The following CNTNAP5 variants were observed in gnomAD, a reference collection of about 807,000 sequenced individuals.
CNTNAP5 encodes the protein contactin-associated protein-like 5.
CNTNAP5 carries 72 observed loss-of-function variants against 150.2 expected under a neutral mutation model. The ratio of observed to expected loss-of-function variants is 0.48; its 90% CI spans 0.40 to 0.58. The LOEUF is 0.58. Among genes scored for constraint, CNTNAP5 ranks in the 20% least tolerant of loss-of-function variants. The pLI is 0.00. For synonymous variants in CNTNAP5, 672 were observed against 619.8 expected (o/e 1.08, Z -1.25); for missense variants, 1,636 against 1,626.2 (o/e 1.01, Z -0.10).
At chr2:124,242,084 T>G in intron 2 of CNTNAP5, 116 bp from the exon 3 acceptor site, 11 of 770,010 alleles carry the variant, frequency 1.4e-5, no homozygotes, top group Admixed American at 2.5e-5. Flanking sequence ...GTAGGGCCCA[T>G]TTGGGGGTAG....
chr2:124,740,885 G>A (rs1047265695), intron 13 of CNTNAP5, among the ~76,000 whole-genome samples: 6 of 152,048 alleles, frequency 3.9e-5, no homozygotes, highest in African/African-American at 1.4e-4. Flanking sequence ...GCTCTGGAAG[G>A]GCAGGTGGAA....
At chr2:124,281,838 G>A (rs532009721) in intron 3 of CNTNAP5, among the ~76,000 whole-genome samples, 9 of 152,142 alleles carry the variant, frequency 5.9e-5, no homozygotes, top group Non-Finnish European at 1.3e-4. Context: ...ACTTCCTCAG[G>A]CTCAGGCCGA....
chr2:124,784,984 G>T (rs1307654549), intron 17 of CNTNAP5, among the ~76,000 whole-genome samples: 1 of 132,122 alleles, frequency 7.6e-6, no homozygotes, highest in Non-Finnish European at 1.6e-5. Flanking sequence ...TTTAAATATT[G>T]TTTTTAGAAC....
At chr2:124,435,087 G>C (rs1033107060) in intron 5 of CNTNAP5, among the ~76,000 whole-genome samples, 1 of 152,100 alleles carries the variant, frequency 6.6e-6, no homozygotes, top group African/African-American at 2.4e-5. Flanking sequence ...TGGTTGCTCC[G>C]GGTTATTTTG....
Position 124,647,865 on chromosome 2 carries a change from A to G in CNTNAP5, c.1984A>G (p.Met662Val), listed in dbSNP as rs1411429327. ...CATGGCCTTGGACTACGGGGGCAGC[A>G]TGGAACAGCTGGAGGCCGTGATCGA... is the stretch of plus-strand genomic sequence containing the variant. ...YAMALDYGGSMEQLEAVIDGS... is the reference protein window; with the variant it reads ...YAMALDYGGSVEQLEAVIDGS... The change falls in exon 13 of 24, where the codon ATG becomes GTG. Residue 662 changes from methionine (M) to valine (V), a missense_variant. Physicochemically the swap from Met to Val is conservative, Grantham distance 21. Coordinates refer to ENST00000682447, the MANE Select transcript of CNTNAP5 (RefSeq NM_001367498.1). 1 of 1,613,424 alleles carries G rather than the reference A, an allele frequency of 6.2e-7. No individual in the cohort carries two copies. The highest frequency in any genetic ancestry group is 8.5e-7 in the Non-Finnish European group (1 of 1,179,716).
chr2:124,502,679 T>G (rs747178184), intron 7 of CNTNAP5, among the ~76,000 whole-genome samples: 5 of 152,218 alleles, frequency 3.3e-5, no homozygotes, highest in Non-Finnish European at 5.9e-5. Context: ...CACAATGAGT[T>G]GGCCATCATT....
At chr2:124,757,930 C>T (rs1198510053) in intron 14 of CNTNAP5, among the ~76,000 whole-genome samples, 1 of 152,148 alleles carries the variant, frequency 6.6e-6, no homozygotes, top group Non-Finnish European at 1.5e-5. Context: ...GGTATTGGGA[C>T]TTTGCCTGTG....
chr2:124,353,949 A>ATAAG (rs570301621), intron 3 of CNTNAP5, among the ~76,000 whole-genome samples: 8 of 152,218 alleles, frequency 5.3e-5, no homozygotes, highest in Non-Finnish European at 1.2e-4. Flanking sequence ...TCCAAGAGTT[A>ATAAG]TAAGTGACAG....
intron 1 of CNTNAP5, among the ~76,000 whole-genome samples, chr2:124,129,238 A>G (rs1475282029): frequency 1.3e-5 from 2 of 152,156 alleles, no homozygotes; most frequent in African/African-American, 2.4e-5. Flanking sequence ...TTATAAGCAT[A>G]TTACTTAGAA....
chr2:124,645,621 T>C (rs1678187398), intron 12 of CNTNAP5, among the ~76,000 whole-genome samples: 2 of 152,154 alleles, frequency 1.3e-5, no homozygotes, highest in Admixed American at 1.3e-4. Flanking sequence ...ATGTGGGTTA[T>C]CAATGGGCTG....
chr2:124,526,704 C>A (rs897532342), intron 9 of CNTNAP5, among the ~76,000 whole-genome samples: 8 of 152,038 alleles, frequency 5.3e-5, no homozygotes, highest in African/African-American at 1.9e-4. Flanking sequence ...GCATTTAAAC[C>A]CTTAGTTCCT....
chr2:124,164,354 C>T (rs1294075770), intron 1 of CNTNAP5, among the ~76,000 whole-genome samples: 3 of 152,166 alleles, frequency 2.0e-5, no homozygotes, highest in African/African-American at 7.2e-5. Context: ...CCCAAAACTC[C>T]CCATTGCTTT....
At chr2:124,878,698 T>G (rs1677908764) in intron 21 of CNTNAP5, among the ~76,000 whole-genome samples, 2 of 147,752 alleles carry the variant, frequency 1.4e-5, no homozygotes, top group African/African-American at 5.3e-5. Context: ...TTGTTGTTCT[T>G]TTCTTTTTTT....
intron 3 of CNTNAP5, among the ~76,000 whole-genome samples, chr2:124,406,147 T>G (rs1472158685): frequency 6.6e-6 from 1 of 152,230 alleles, no homozygotes; most frequent in African/African-American, 2.4e-5. Flanking sequence ...TTTTTCTAGA[T>G]AATTTATTAT....
At chr2:124,634,299 C>T (rs570531224) in intron 12 of CNTNAP5, among the ~76,000 whole-genome samples, 13 of 152,278 alleles carry the variant, frequency 8.5e-5, no homozygotes, top group African/African-American at 2.6e-4. Context: ...CAGGCCACAT[C>T]GTGAAAGCTC....
intron 13 of CNTNAP5, among the ~76,000 whole-genome samples, chr2:124,746,934 G>A (rs747491994): frequency 1.8e-4 from 28 of 151,852 alleles, no homozygotes; most frequent in Non-Finnish European, 3.4e-4. Flanking sequence ...TCGTTTATAT[G>A]TGTACATATA....
chr2:124,324,926 G>A (rs1157017432), intron 3 of CNTNAP5, among the ~76,000 whole-genome samples: 1 of 152,192 alleles, frequency 6.6e-6, no homozygotes, highest in Non-Finnish European at 1.5e-5. Context: ...TAAGCACACG[G>A]TTTGTGAAAT....
chr2:124,474,184 C>A (rs1014810993), intron 6 of CNTNAP5, among the ~76,000 whole-genome samples: 1 of 152,062 alleles, frequency 6.6e-6, no homozygotes, highest in Non-Finnish European at 1.5e-5. Flanking sequence ...CCATTATTGA[C>A]AAGTGAAATT....
chr2:124,786,829 G>A (rs565217415), intron 17 of CNTNAP5, among the ~76,000 whole-genome samples: 9 of 152,140 alleles, frequency 5.9e-5, no homozygotes, highest in East Asian at 1.9e-4. Context: ...AAAAAGGGCC[G>A]CTTTTAAAAA....
Sources: allele counts gnomAD v4.1 joint callset (sites outside exome capture counted in the v4.1 genomes callset), GRCh38; gene constraint gnomAD v4.1.1; transcripts MANE v1.5; gene names NCBI Gene and HGNC (gene_info 2026-07-23, HGNC 2026-07-21).